The following CACNA2D3 variants were observed in gnomAD, a reference collection of about 807,000 sequenced individuals.
The protein encoded by CACNA2D3 is calcium voltage-gated channel auxiliary subunit alpha2delta 3.
A neutral mutation model predicts 160.6 loss-of-function variants in CACNA2D3; 60 were observed. The ratio of observed to expected loss-of-function variants is 0.37; its 90% CI spans 0.30 to 0.46. The LOEUF (loss-of-function observed/expected upper bound fraction) is 0.46. Among genes scored for constraint, CACNA2D3 ranks in the 20% least tolerant of loss-of-function variants. The pLI, the probability that CACNA2D3 is intolerant of heterozygous loss-of-function variation, is 1.00. For synonymous variants in CACNA2D3, 558 were observed against 492.9 expected, an observed-to-expected ratio of 1.13 and a Z score of -1.75; for missense variants, 1,205 against 1,365.0, an observed-to-expected ratio of 0.88 and a Z score of 1.85.
chr3:54,890,388 C>T (rs1341744569), intron 24 of CACNA2D3, among the ~76,000 whole-genome samples: 1 of 147,366 alleles, frequency 6.8e-6, no homozygotes, highest in Non-Finnish European at 1.5e-5. Flanking sequence ...CCCAGCTACT[C>T]GGGGGGCTGA....
intron 4 of CACNA2D3, among the ~76,000 whole-genome samples, chr3:54,388,220 A>G (rs1699222346): frequency 6.6e-6 from 1 of 152,220 alleles, no homozygotes; most frequent in Non-Finnish European, 1.5e-5. Context: ...AGATGGCTAC[A>G]TGGAAAAAGG....
chr3:54,347,548 A>G (rs536592508), intron 3 of CACNA2D3, among the ~76,000 whole-genome samples: 18 of 152,172 alleles, frequency 1.2e-4, no homozygotes, highest in Admixed American at 2.6e-4. Context: ...AACACCCTAA[A>G]CGCAGAATCT....
chr3:54,898,743 A>G (rs1332205654), intron 26 of CACNA2D3, among the ~76,000 whole-genome samples: 8 of 152,192 alleles, frequency 5.3e-5, no homozygotes, highest in Admixed American at 5.2e-4. Context: ...GGTTTTTGGT[A>G]ACTGGGATTT....
chr3:54,188,838 C>CA (rs1456641380), intron 2 of CACNA2D3, among the ~76,000 whole-genome samples: 2 of 152,246 alleles, frequency 1.3e-5, no homozygotes, highest in African/African-American at 4.8e-5. Flanking sequence ...TATTAGCTGC[C>CA]AAATTCTGTG....
chr3:54,416,806 C>G (rs1254762656), intron 4 of CACNA2D3, among the ~76,000 whole-genome samples: 1 of 151,966 alleles, frequency 6.6e-6, no homozygotes, highest in East Asian at 1.9e-4. Flanking sequence ...TAATTATGAA[C>G]AAGGTAATTG....
intron 4 of CACNA2D3, among the ~76,000 whole-genome samples, chr3:54,403,310 A>G (rs9861335): frequency 0.98 from 148,478 of 151,186 alleles, 72,951 homozygotes; most frequent in South Asian, 1. Context: ...AGCCAAGATT[A>G]TGCCACTGCA....
chr3:54,303,101 C>G (rs1053742037), intron 2 of CACNA2D3, among the ~76,000 whole-genome samples: 1 of 152,054 alleles, frequency 6.6e-6, no homozygotes, highest in Admixed American at 6.5e-5. Flanking sequence ...ACTCACAGGA[C>G]TTGATGCTAT....
intron 4 of CACNA2D3, among the ~76,000 whole-genome samples, chr3:54,447,489 G>T (rs1450224674): frequency 1.3e-5 from 2 of 152,208 alleles, no homozygotes; most frequent in Non-Finnish European, 2.9e-5. Flanking sequence ...TGTATACACA[G>T]GGCTTGGAGG....
At chr3:54,962,016 C>G (rs1702040830) in intron 27 of CACNA2D3, among the ~76,000 whole-genome samples, 1 of 151,978 alleles carries the variant, frequency 6.6e-6, no homozygotes. Context: ...CTCTCTCCCT[C>G]TTCCTGTAAA....
At chr3:54,423,356 A>G (rs1023089897) in intron 4 of CACNA2D3, among the ~76,000 whole-genome samples, 1 of 152,206 alleles carries the variant, frequency 6.6e-6, no homozygotes, top group East Asian at 1.9e-4. Context: ...CTTGTTTATA[A>G]TAGCTTGCAA....
intron 2 of CACNA2D3, among the ~76,000 whole-genome samples, chr3:54,184,376 C>T (rs1700840795): frequency 6.6e-6 from 1 of 152,192 alleles, no homozygotes; most frequent in African/African-American, 2.4e-5. Flanking sequence ...GGCCTTAAGC[C>T]CTCCCCCATC....
chr3:54,438,496 A>C (rs569587334), intron 4 of CACNA2D3, among the ~76,000 whole-genome samples: 1 of 152,154 alleles, frequency 6.6e-6, no homozygotes, highest in African/African-American at 2.4e-5. Context: ...TTTTAGAGCA[A>C]CTCCCTGGGC....
At chr3:54,216,823 T>C (rs1701471308) in intron 2 of CACNA2D3, among the ~76,000 whole-genome samples, 1 of 152,224 alleles carries the variant, frequency 6.6e-6, no homozygotes, top group South Asian at 2.1e-4. Flanking sequence ...ACCAGCCATC[T>C]AGCTCTTATT....
intron 2 of CACNA2D3, among the ~76,000 whole-genome samples, chr3:54,248,952 A>G (rs758549323): frequency 6.6e-6 from 1 of 152,224 alleles, no homozygotes; most frequent in African/African-American, 2.4e-5. Context: ...GAGTATTTCC[A>G]TATTTGGTTA....
In CACNA2D3 at chr3:54,895,141, A is replaced by G. The variant is rs528873707; in HGVS notation, c.2247-1608A>G. Reference sequence around the variant, plus strand: ...AGCACAAAATTTTATAGCAGTATTAACAAAGTAGAGCACTTATGAAGACGG... The same window carrying G: ...AGCACAAAATTTTATAGCAGTATTAGCAAAGTAGAGCACTTATGAAGACGG... On this transcript the variant is annotated intron_variant, in intron 25 of 37. Transcript: ENST00000474759. Among the ~76,000 whole-genome samples, 3 of 152,344 alleles carry G rather than the reference A, an allele frequency of 2.0e-5. No homozygotes were observed. The South Asian group carries it at 6.2e-4, about 32-fold the overall frequency.
intron 2 of CACNA2D3, among the ~76,000 whole-genome samples, chr3:54,284,268 A>G (rs988062043): frequency 6.6e-6 from 1 of 151,808 alleles, no homozygotes; most frequent in South Asian, 2.1e-4. Context: ...AAAGTATAAT[A>G]ATAATAAAAA....
At chr3:54,197,186 T>G (rs1701097212) in intron 2 of CACNA2D3, among the ~76,000 whole-genome samples, 1 of 152,122 alleles carries the variant, frequency 6.6e-6, no homozygotes, top group Non-Finnish European at 1.5e-5. Context: ...AGGGCCAAGT[T>G]TTAAAAAGCT....
Position 54,899,874 on chromosome 3 carries a change from T to C in CACNA2D3, c.2449+6T>C, listed in dbSNP as rs955186040. Reference sequence around the variant, plus strand: ...GAAATCTCCTGTGGTGGCAGGTAAATAATTGATTGAATCCATGAAGACAAA... The same window carrying C: ...GAAATCTCCTGTGGTGGCAGGTAAACAATTGATTGAATCCATGAAGACAAA... On this transcript the variant is annotated splice_donor_region_variant and intron_variant, in intron 27 of 37. Transcript: ENST00000474759. 1 of 1,582,310 alleles carries C rather than the reference T, an allele frequency of 6.3e-7. No individual in the cohort carries two copies.
intron 11 of CACNA2D3, among the ~76,000 whole-genome samples, chr3:54,646,092 G>T (rs1156648422): frequency 6.7e-6 from 1 of 148,856 alleles, no homozygotes; most frequent in Non-Finnish European, 1.5e-5. Context: ...GGATATCCTG[G>T]GTGGGCAGGT....
Sources: allele counts gnomAD v4.1 joint callset (sites outside exome capture counted in the v4.1 genomes callset), GRCh38; gene constraint gnomAD v4.1.1; transcripts MANE v1.5; gene names NCBI Gene and HGNC (gene_info 2026-07-23, HGNC 2026-07-21).